HS6ST3: variants seen among roughly 807,000 people sequenced by gnomAD.
The protein encoded by HS6ST3 is heparan sulfate 6-O-sulfotransferase 3.
In HS6ST3, 12 loss-of-function variants were observed where a neutral mutation model predicts 36.7. The ratio of observed to expected loss-of-function variants is 0.33; its 90% CI spans 0.21 to 0.53. HS6ST3 has a LOEUF of 0.53. HS6ST3 is among the 20% of genes least tolerant of loss of function. The pLI, the probability that HS6ST3 is intolerant of heterozygous loss-of-function variation, is 0.95. For synonymous variants in HS6ST3, 240 were observed against 257.5 expected, an observed-to-expected ratio of 0.93 and a Z score of 0.65; for missense variants, 584 against 640.9, an observed-to-expected ratio of 0.91 and a Z score of 0.96.
chr13:96,619,584 A>G (rs2056486862), intron 1 of HS6ST3, among the ~76,000 whole-genome samples: 1 of 152,202 alleles, frequency 6.6e-6, no homozygotes, highest in Admixed American at 6.5e-5. Flanking sequence ...CAGTGTATGT[A>G]GTGTATTTAT....
chr13:96,400,398 C>T (rs1359883888), intron 1 of HS6ST3, among the ~76,000 whole-genome samples: 2 of 151,982 alleles, frequency 1.3e-5, no homozygotes, highest in East Asian at 1.9e-4. Flanking sequence ...AAGAGTGTCA[C>T]ATACCAATTT....
chr13:96,757,007 G>A (rs548717767), intron 1 of HS6ST3, among the ~76,000 whole-genome samples: 134 of 152,282 alleles, frequency 8.8e-4, no homozygotes, highest in African/African-American at 3.0e-3. Context: ...AAGGTGACAA[G>A]GTCTTGACTG....
intron 1 of HS6ST3, among the ~76,000 whole-genome samples, chr13:96,650,609 A>T (rs1235475352): frequency 1.3e-5 from 2 of 152,094 alleles, no homozygotes; most frequent in Non-Finnish European, 1.5e-5. Context: ...CAAATTGAGG[A>T]AGTAGAACTT....
chr13:96,469,731 A>ATGGTGGTGATGGCGG (rs2055831726), intron 1 of HS6ST3, among the ~76,000 whole-genome samples: 1 of 151,992 alleles, frequency 6.6e-6, no homozygotes, highest in Non-Finnish European at 1.5e-5. Flanking sequence ...GGTGATGGTG[A>ATGGTGGTGATGGCGG]TGGTGGTGAT....
At chr13:96,644,502 G>A (rs1293985134) in intron 1 of HS6ST3, among the ~76,000 whole-genome samples, 2 of 151,980 alleles carry the variant, frequency 1.3e-5, no homozygotes, top group African/African-American at 4.8e-5. Context: ...TTGTTAGTGG[G>A]TTTAGTTTGG....
chr13:96,788,219 C>T (rs1044508912), intron 1 of HS6ST3, among the ~76,000 whole-genome samples: 2 of 149,610 alleles, frequency 1.3e-5, no homozygotes, highest in African/African-American at 5.1e-5. Flanking sequence ...TTTTGCTGTG[C>T]TTTTTTGCCT....
In HS6ST3 at chr13:96,330,828, T is replaced by C. The variant is rs1236879020; in HGVS notation, c.707+239259T>C. On this transcript the variant is annotated intron_variant, in intron 1 of 1. Transcript: ENST00000376705. ...ATCACTTTCAGGTACACCAATCAGA[T>C]GTAGATTTGGTCTTTTCACATAGTC... Among the ~76,000 whole-genome samples, 93 of 150,260 alleles carry C rather than the reference T, an allele frequency of 6.2e-4. 2 individuals carry two copies. Among genetic ancestry groups the C allele is most frequent in the African/African-American group, 2.1e-3 (85 of 40,848 alleles).
intron 1 of HS6ST3, among the ~76,000 whole-genome samples, chr13:96,163,937 A>G (rs906534354): frequency 1.3e-5 from 2 of 152,168 alleles, no homozygotes; most frequent in African/African-American, 4.8e-5. Flanking sequence ...CTGGAGAAAC[A>G]TTTTATAGTC....
At chr13:96,799,986 A>ATATATATATATGTATATATATATATATG (rs1566456854) in intron 1 of HS6ST3, among the ~76,000 whole-genome samples, 51 of 124,268 alleles carry the variant, frequency 4.1e-4, no homozygotes, top group Admixed American at 8.2e-4. Flanking sequence ...ATATATGTAT[A>ATATATATATATGTATATATATATATATG]TATATATATA....
intron 1 of HS6ST3, among the ~76,000 whole-genome samples, chr13:96,492,974 A>G (rs914002096): frequency 6.6e-6 from 1 of 152,172 alleles, no homozygotes. Flanking sequence ...ACATCTTCAC[A>G]CTGGCCAAGG....
chr13:96,227,722 A>C (rs954798557), intron 1 of HS6ST3, among the ~76,000 whole-genome samples: 26 of 152,182 alleles, frequency 1.7e-4, no homozygotes, highest in Non-Finnish European at 7.3e-5. Flanking sequence ...CTGGAAACAA[A>C]GCTCTTTTAT....
At chr13:96,760,535 T>C (rs1876944974) in intron 1 of HS6ST3, among the ~76,000 whole-genome samples, 1 of 152,148 alleles carries the variant, frequency 6.6e-6, no homozygotes, top group Admixed American at 6.5e-5. Context: ...TTAAATATTA[T>C]TTTAAAATCT....
At chr13:96,229,796 C>A (rs956177296) in intron 1 of HS6ST3, among the ~76,000 whole-genome samples, 4 of 152,040 alleles carry the variant, frequency 2.6e-5, no homozygotes, top group African/African-American at 4.8e-5. Context: ...CCCCTTTAGG[C>A]TCTTAGTATT....
At chr13:96,750,777 G>A (rs1348824931) in intron 1 of HS6ST3, among the ~76,000 whole-genome samples, 1 of 152,156 alleles carries the variant, frequency 6.6e-6, no homozygotes, top group African/African-American at 2.4e-5. Flanking sequence ...AATATCATTA[G>A]CTTCCCTTGA....
chr13:96,370,164 C>T (rs1037593801), intron 1 of HS6ST3, among the ~76,000 whole-genome samples: 20 of 152,078 alleles, frequency 1.3e-4, no homozygotes, highest in Non-Finnish European at 2.5e-4. Flanking sequence ...TTGATTTATT[C>T]GGTCTCAGGT....
At chr13:96,419,580 C>T (rs528540281) in intron 1 of HS6ST3, among the ~76,000 whole-genome samples, 18 of 152,302 alleles carry the variant, frequency 1.2e-4, no homozygotes, top group South Asian at 2.1e-4. Context: ...GCTGCCATAA[C>T]AAAGTACCAC....
At chr13:96,310,671 A>G (rs1359172664) in intron 1 of HS6ST3, among the ~76,000 whole-genome samples, 11 of 101,310 alleles carry the variant, frequency 1.1e-4, no homozygotes, top group Non-Finnish European at 1.7e-4. Context: ...CTCCCTGCCT[A>G]TCTCCCTCCC....
At chr13:96,331,788 C>T (rs1028266889) in intron 1 of HS6ST3, among the ~76,000 whole-genome samples, 36 of 152,106 alleles carry the variant, frequency 2.4e-4, no homozygotes, top group African/African-American at 6.5e-4. Context: ...GCCTCGCTGC[C>T]GCCTTGCAGT....
At chr13:96,135,759 C>T (rs1480656768) in intron 1 of HS6ST3, among the ~76,000 whole-genome samples, 1 of 152,190 alleles carries the variant, frequency 6.6e-6, no homozygotes, top group East Asian at 1.9e-4. Context: ...AGGCCAGAGA[C>T]CCACAGCCAG....
Sources: gnomAD v4.1 joint callset for allele counts (sites outside exome capture counted in the v4.1 genomes callset) on GRCh38, gnomAD v4.1.1 for gene constraint, MANE v1.5 for transcripts, NCBI Gene and HGNC (gene_info 2026-07-23, HGNC 2026-07-21) for gene names.